The following GALM variants were observed in gnomAD, a reference collection of about 807,000 sequenced individuals.
The protein encoded by GALM is galactose mutarotase.
Under a neutral mutation model 37.4 loss-of-function variants are expected in GALM, and 43 were observed. The observed-to-expected ratio is 1.15, with a 90% CI of 0.90 to 1.48. The LOEUF is 1.48. Ranked by LOEUF, GALM falls within the 40% of genes most tolerant of loss-of-function variation. The pLI is 0.00. For missense variants in GALM, 456 were observed against 419.1 expected (o/e 1.09, Z -0.77); for synonymous variants, 199 against 170.6 (o/e 1.17, Z -1.30).
At chr2:38,691,903 A>T (rs995831863) in intron 4 of GALM, among the ~76,000 whole-genome samples, 3 of 152,116 alleles carry the variant, frequency 2.0e-5, no homozygotes, top group Non-Finnish European at 2.9e-5. Context: ...AGCCAATACT[A>T]TAAAAAAAAT....
At chr2:38,725,101 C>T (rs1226499805) in intron 4 of GALM, among the ~76,000 whole-genome samples, 1 of 152,110 alleles carries the variant, frequency 6.6e-6, no homozygotes, top group Non-Finnish European at 1.5e-5. Flanking sequence ...TTGACTGTGG[C>T]TTTAAGGAAG....
At chr2:38,717,306 AGT>A (rs56902027) in intron 4 of GALM, among the ~76,000 whole-genome samples, 20,275 of 143,448 alleles carry the variant, frequency 0.14, 1,467 homozygotes, top group East Asian at 0.21. Context: ...GTATTAAGGG[AGT>A]GTGTGTGTGT....
intron 4 of GALM, among the ~76,000 whole-genome samples, chr2:38,691,254 C>A (rs915311408): frequency 6.6e-6 from 1 of 152,136 alleles, no homozygotes; most frequent in Non-Finnish European, 1.5e-5. Flanking sequence ...TTGAGTTGAT[C>A]AGATGAAAAT....
Position 38,722,123 on chromosome 2 carries a change from G to A in GALM, c.635-7433G>A, listed in dbSNP as rs967109031. Among the ~76,000 whole-genome samples the A allele has an allele frequency of 3.0e-4, 44 of 146,084 alleles. No homozygotes were observed. In the South Asian group the frequency reaches 8.5e-3, roughly 28 times the overall value. On this transcript the variant is annotated intron_variant, in intron 4 of 6. Coordinates refer to ENST00000272252, the MANE Select transcript of GALM (RefSeq NM_138801.3). Reference sequence around the variant, plus strand: ...GCCTGTAATCCCAGCACTTTGGGAGGCGGAGGCAGCTGGATCACTTGAGGT... The same window carrying A: ...GCCTGTAATCCCAGCACTTTGGGAGACGGAGGCAGCTGGATCACTTGAGGT...
intron 2 of GALM, among the ~76,000 whole-genome samples, chr2:38,677,341 A>T (rs138441967): frequency 3.0e-3 from 457 of 152,286 alleles, no homozygotes; most frequent in African/African-American, 0.011. Context: ...TTCTGCCTCT[A>T]ACCACCACTT....
At chr2:38,686,432 CT>C in intron 3 of GALM, among the ~76,000 whole-genome samples, 1 of 151,498 alleles carries the variant, frequency 6.6e-6, no homozygotes, top group East Asian at 2.0e-4. Flanking sequence ...TGCCCAGCTA[CT>C]TTTTTGTATT....
intron 4 of GALM, among the ~76,000 whole-genome samples, chr2:38,691,741 A>ATTT (rs1553381728): frequency 8.1e-5 from 11 of 135,464 alleles, no homozygotes; most frequent in South Asian, 2.4e-4. Flanking sequence ...TTTTTTTTTA[A>ATTT]AAAAGACCAA....
At chr2:38,694,904 AAAAAAAAAC>A (rs1323572658) in intron 4 of GALM, among the ~76,000 whole-genome samples, 1 of 151,032 alleles carries the variant, frequency 6.6e-6, no homozygotes, top group Non-Finnish European at 1.5e-5. Flanking sequence ...CTCAAAAAAA[AAAAAAAAAC>A]AAAAAAAGAA....
chr2:38,678,590 C>T (rs1282739850), intron 2 of GALM, among the ~76,000 whole-genome samples: 1 of 152,156 alleles, frequency 6.6e-6, no homozygotes, highest in Non-Finnish European at 1.5e-5. Context: ...TTTAATTACA[C>T]ATATAACAGG....
In GALM at chr2:38,733,581, T is replaced by C. The variant is rs1414750050; in HGVS notation, c.*16T>C. The C allele has an allele frequency of 7.5e-6, 12 of 1,599,884 alleles. No homozygotes were observed. The highest frequency in any genetic ancestry group is 2.2e-5 in the East Asian group (1 of 44,792). ...TGTGGCTTAAGGAAGTGTGAAGATA[T>C]GATCCAGTCCAGGGCTAGGCTCAGC... On this transcript the variant is annotated 3_prime_UTR_variant, in exon 7 of 7. Coordinates refer to ENST00000272252, the MANE Select transcript of GALM (RefSeq NM_138801.3).
intron 6 of GALM, among the ~76,000 whole-genome samples, chr2:38,732,938 G>A (rs1222641117): frequency 3.6e-5 from 5 of 139,400 alleles, no homozygotes; most frequent in Non-Finnish European, 4.5e-5. Flanking sequence ...AAAAAAAAAA[G>A]GGCCAGGTGC....
At chr2:38,700,061 C>T (rs944917100) in intron 4 of GALM, among the ~76,000 whole-genome samples, 4 of 152,116 alleles carry the variant, frequency 2.6e-5, no homozygotes, top group South Asian at 2.1e-4. Flanking sequence ...AAGCAATTCT[C>T]GTGCCTCAGC....
intron 1 of GALM, among the ~76,000 whole-genome samples, chr2:38,674,098 T>C (rs1214666493): frequency 2.0e-5 from 3 of 152,126 alleles, no homozygotes; most frequent in African/African-American, 7.2e-5. Context: ...GAAGGAAGGC[T>C]TTTGTGTTTT....
intron 4 of GALM, among the ~76,000 whole-genome samples, chr2:38,690,913 A>G (rs1457131488): frequency 1.3e-5 from 2 of 152,180 alleles, no homozygotes; most frequent in Non-Finnish European, 2.9e-5. Context: ...ATTGAGCTCA[A>G]TGGGGTCAAA....
intron 4 of GALM, among the ~76,000 whole-genome samples, chr2:38,724,957 CA>C (rs1666456518): frequency 6.6e-6 from 1 of 152,164 alleles, no homozygotes; most frequent in South Asian, 2.1e-4. Context: ...GTCTTTCCTT[CA>C]CAAAAATTTT....
intron 4 of GALM, among the ~76,000 whole-genome samples, chr2:38,721,669 C>A (rs1204271651): frequency 3.9e-5 from 6 of 152,090 alleles, no homozygotes; most frequent in African/African-American, 1.2e-4. Context: ...GTGCACCATA[C>A]CACACCTGGC....
At chr2:38,728,860 C>CT (rs11427252) in intron 4 of GALM, among the ~76,000 whole-genome samples, 84,451 of 151,694 alleles carry the variant, frequency 0.56, 22,340 homozygotes, top group East Asian at 0.81. Flanking sequence ...CTGGCTGTTA[C>CT]TACTCCTGGG....
chr2:38,675,535 TTTTTTTTTTGTGTGTGTGTGTGTGTG>T (rs1665230868), intron 1 of GALM, among the ~76,000 whole-genome samples: 1 of 95,476 alleles, frequency 1.0e-5, no homozygotes, highest in African/African-American at 5.1e-5. Context: ...TGTTTTTTTT[TTTTTTTTTTGTGTGTGTGTGTGTGTG>T]TGTGTGTGTG....
rs140271694 is a variant in GALM at position 38,733,500 on chromosome 2, C to G, written c.964C>G (p.Pro322Ala). Residue 322 changes from proline to alanine, a missense_variant, in exon 7 of 7, where the codon CCT becomes GCT. Pro to Ala is a conservative substitution (Grantham distance 27). Transcript: ENST00000272252. ...TTCCCCTTCACAGCCCCGCTTCCCT[C>G]CTGTGCTGCTGAGGCCTGGTGAGGA... ...PDAVNQPRFP[P>A]VLLRPGEEYD... 2.6e-4 allele frequency: 417 copies of G among 1,613,818 alleles called. 2 individuals are homozygous for G. Among genetic ancestry groups the G allele is most frequent in the Middle Eastern group, 6.6e-4 (4 of 6,080 alleles).
Sources: gnomAD v4.1 joint callset for allele counts (sites outside exome capture counted in the v4.1 genomes callset) on GRCh38, gnomAD v4.1.1 for gene constraint, MANE v1.5 for transcripts, NCBI Gene and HGNC (gene_info 2026-07-23, HGNC 2026-07-21) for gene names.